The following TTC21B variants were observed in gnomAD, a reference collection of about 807,000 sequenced individuals.
TTC21B encodes the protein tetratricopeptide repeat domain 21B.
TTC21B carries 127 observed loss-of-function variants against 175.1 expected under a neutral mutation model. The observed-to-expected ratio is 0.73, with a 90% CI of 0.63 to 0.84. The LOEUF (loss-of-function observed/expected upper bound fraction) is 0.84. Among genes scored for constraint, TTC21B ranks in the 40% least tolerant of loss-of-function variants. TTC21B has a pLI of 0.00. For missense variants in TTC21B, 1,561 were observed against 1,558.3 expected, an observed-to-expected ratio of 1.00 and a Z score of -0.03; for synonymous variants, 524 against 524.5, an observed-to-expected ratio of 1.00 and a Z score of 0.01.
At chr2:165,946,565 T>C (rs1687573312) in intron 3 of TTC21B, among the ~76,000 whole-genome samples, 2 of 152,058 alleles carry the variant, frequency 1.3e-5, no homozygotes, top group South Asian at 2.1e-4. Flanking sequence ...TGGCCAGACA[T>C]GGTGGCTTAC....
chr2:165,876,135 AT>A (rs1684658546), intron 28 of TTC21B, 29 bp downstream of exon 28: 7 of 1,442,360 alleles, frequency 4.9e-6, no homozygotes, highest in Non-Finnish European at 6.8e-6. Flanking sequence ...CATCTGAAAA[AT>A]TTTAAGAAAT....
chr2:165,941,387 T>C (rs1462260169), intron 5 of TTC21B, among the ~76,000 whole-genome samples: 3 of 152,208 alleles, frequency 2.0e-5, no homozygotes, highest in African/African-American at 7.2e-5. Context: ...TGTTTTAAAA[T>C]TTACTTTTAA....
Position 165,945,808 on chromosome 2 carries a change from A to C in TTC21B, c.263-118T>G, listed in dbSNP as rs1014842987. ...TCTCTATAGTGGTACTGTCTAATAG[A>C]AATAAAATGCAAGCCATATATGTAA... On this transcript the variant is annotated intron_variant, in intron 3 of 28. Coordinates refer to ENST00000243344, the MANE Select transcript of TTC21B (RefSeq NM_024753.5). The C allele has an allele frequency of 2.7e-5, 25 of 922,852 alleles. No homozygotes were observed. In the South Asian group the frequency reaches 3.7e-4, roughly 14 times the overall value. 57.2% of individuals were successfully genotyped at this position (922,852 alleles called of 1,614,324 possible).
intron 18 of TTC21B, among the ~76,000 whole-genome samples, chr2:165,909,690 G>C (rs1219025720): frequency 6.6e-6 from 1 of 152,156 alleles, no homozygotes; most frequent in Non-Finnish European, 1.5e-5. Context: ...GAAGTACAGA[G>C]AGGTATATGT....
At chr2:165,908,075 A>G (rs1318304731) in intron 18 of TTC21B, among the ~76,000 whole-genome samples, 2 of 152,194 alleles carry the variant, frequency 1.3e-5, no homozygotes, top group Non-Finnish European at 2.9e-5. Context: ...TTCCATTTTT[A>G]TTCTTAAGTG....
chr2:165,933,029 C>G lies in TTC21B; in HGVS notation c.739G>C (p.Glu247Gln). Residue 247 changes from glutamate (E) to glutamine (Q), a missense_variant, in exon 7 of 29, where the codon GAA (glutamate) becomes CAA (glutamine). Coordinates refer to ENST00000243344, the MANE Select transcript of TTC21B (RefSeq NM_024753.5). ...TAGAGTGCCTGCATTCTCAGTGCTTCCACATTTTGGCTATCTTGGAGCAGC... is the reference window on the plus strand; with the variant it reads ...TAGAGTGCCTGCATTCTCAGTGCTTGCACATTTTGGCTATCTTGGAGCAGC... ...RLLLQDSQNV[E>Q]ALRMQALYYV... is the part of the protein sequence containing the mutation. 3 of 1,612,890 alleles carry G rather than the reference C, an allele frequency of 1.9e-6. No homozygotes were observed. Among genetic ancestry groups the G allele is most frequent in the Non-Finnish European group, 2.5e-6 (3 of 1,179,458 alleles).
intron 12 of TTC21B, among the ~76,000 whole-genome samples, chr2:165,923,743 G>GTTTTT (rs1190876494): frequency 9.3e-5 from 10 of 107,300 alleles, no homozygotes; most frequent in East Asian, 2.7e-4. Flanking sequence ...CGCCCAGCTG[G>GTTTTT]TTTTTTTTTT....
Position 165,924,612 on chromosome 2 carries a change from C to T in TTC21B, c.1453G>A (p.Val485Ile). ...TGCAGAAGACCTGGAACAGTTCTTA[C>T]TACAGTCTCCAGGACTGAGATGCAA... ...RRCISVLETVVRTVPGLLQTV... is the reference protein window; with the variant it reads ...RRCISVLETVIRTVPGLLQTV... The change falls in exon 12 of 29, where the codon GTA becomes ATA. Residue 485 changes from valine to isoleucine, a missense_variant. Val to Ile is a conservative substitution (Grantham distance 29, BLOSUM62 3). Coordinates refer to ENST00000243344, the MANE Select transcript of TTC21B (RefSeq NM_024753.5). The T allele has an allele frequency of 6.2e-7, 1 of 1,613,764 alleles. No homozygotes were observed.
intron 26 of TTC21B, among the ~76,000 whole-genome samples, chr2:165,881,726 C>T (rs769420182): frequency 9.9e-5 from 15 of 152,022 alleles, no homozygotes; most frequent in Non-Finnish European, 2.1e-4. Flanking sequence ...CACACTGAGG[C>T]ATAAAAACAT....
chr2:165,899,168 T>C (rs998512696), intron 21 of TTC21B, among the ~76,000 whole-genome samples: 1 of 152,078 alleles, frequency 6.6e-6, no homozygotes, highest in Admixed American at 6.5e-5. Context: ...TTTTGAAAAA[T>C]TAAAAATGAG....
intron 20 of TTC21B, 128 bp from the exon 21 acceptor site, chr2:165,900,008 C>CAAAAAAAAAAAAAA (rs200057550): frequency 7.1e-5 from 10 of 140,898 alleles, no homozygotes; most frequent in East Asian, 6.4e-4. Flanking sequence ...GTATAATAGA[C>CAAAAAAAAAAAAAA]AAAAAAAAAA....
At position 165,874,727 on chromosome 2, in the gene TTC21B, T is replaced by C; in HGVS notation, c.*28A>G. 1 of 1,597,494 alleles carries C rather than the reference T, an allele frequency of 6.3e-7. No individual in the cohort carries two copies. Reference sequence around the variant, plus strand: ...AAGTTAGATTTCTTTCATTTCCTGTTAAACCAACACCTAAGTTAAAATTAT... The same window carrying C: ...AAGTTAGATTTCTTTCATTTCCTGTCAAACCAACACCTAAGTTAAAATTAT... On this transcript the variant is annotated 3_prime_UTR_variant, in exon 29 of 29. Transcript: ENST00000243344.
intron 18 of TTC21B, among the ~76,000 whole-genome samples, chr2:165,909,754 T>C (rs775388699): frequency 1.3e-5 from 2 of 152,178 alleles, no homozygotes; most frequent in Non-Finnish European, 2.9e-5. Flanking sequence ...CCAAGCTAAA[T>C]GTCTATTCCA....
chr2:165,895,226 G>A (rs1685323944), intron 22 of TTC21B, among the ~76,000 whole-genome samples: 2 of 152,114 alleles, frequency 1.3e-5, no homozygotes, highest in Admixed American at 1.3e-4. Flanking sequence ...GTCATTTGGT[G>A]TTGCTGGAGT....
intron 12 of TTC21B, among the ~76,000 whole-genome samples, chr2:165,923,602 G>C (rs929072002): frequency 5.3e-5 from 4 of 75,848 alleles, no homozygotes; most frequent in African/African-American, 1.7e-4. Context: ...CTGCCACCAT[G>C]CCTGGCTAAT....
chr2:165,940,968 CT>C, intron 6 of TTC21B, 58 bp downstream of exon 6: 1 of 1,597,832 alleles, frequency 6.3e-7, no homozygotes, highest in Non-Finnish European at 8.6e-7. Flanking sequence ...ACAGATGTCG[CT>C]TTTTCTCAAA....
intron 3 of TTC21B, 122 bp from the exon 4 acceptor site, chr2:165,945,812 A>G: frequency 1.1e-6 from 1 of 897,852 alleles, no homozygotes; most frequent in Non-Finnish European, 1.7e-6. Flanking sequence ...TAATAGAAAT[A>G]AAATGCAAGC....
At chr2:165,880,062 C>T (rs994830685) in intron 27 of TTC21B, 1 of 153,762 alleles carries the variant, frequency 6.5e-6, no homozygotes, top group African/African-American at 2.4e-5. Flanking sequence ...AAAGAGTACA[C>T]AAACATGAGG....
At chr2:165,899,934 G>A in intron 20 of TTC21B, 54 bp from the exon 21 acceptor site, 1 of 1,050,010 alleles carries the variant, frequency 9.5e-7, no homozygotes, top group South Asian at 1.2e-5. Flanking sequence ...AAAAGTCAAT[G>A]AGGAAAATAC....
Sources: gnomAD v4.1 joint callset for allele counts (sites outside exome capture counted in the v4.1 genomes callset) on GRCh38, gnomAD v4.1.1 for gene constraint, MANE v1.5 for transcripts, NCBI Gene and HGNC (gene_info 2026-07-23, HGNC 2026-07-21) for gene names.